Variants in UBAP2 observed in about 807,000 individuals in gnomAD.
UBAP2 encodes the protein ubiquitin-associated protein 2.
In UBAP2, 75 loss-of-function variants were observed where a neutral mutation model predicts 139.6. The observed-to-expected ratio is 0.54, with a 90% CI of 0.45 to 0.65. UBAP2 has a LOEUF of 0.65. Among genes scored for constraint, UBAP2 ranks in the 30% least tolerant of loss-of-function variants. UBAP2 has a pLI of 0.00. For missense variants in UBAP2, 1,368 were observed against 1,369.6 expected, an observed-to-expected ratio of 1.00 and a Z score of 0.02; for synonymous variants, 526 against 526.2, an observed-to-expected ratio of 1.00 and a Z score of 0.01.
At chr9:34,023,671 A>G (rs1485934239) in intron 1 of UBAP2, among the ~76,000 whole-genome samples, 1 of 152,192 alleles carries the variant, frequency 6.6e-6, no homozygotes. Context: ...ATTGTTTGGA[A>G]AAAGTTTTTC....
intron 1 of UBAP2, among the ~76,000 whole-genome samples, chr9:34,048,586 G>C (rs983089180): frequency 3.3e-5 from 5 of 152,128 alleles, no homozygotes; most frequent in Admixed American, 6.5e-5. Flanking sequence ...CGACCTGGAC[G>C]GGGGAAAGTA....
intron 1 of UBAP2, among the ~76,000 whole-genome samples, chr9:34,032,160 G>A (rs1773841888): frequency 1.3e-5 from 2 of 152,074 alleles, no homozygotes; most frequent in Admixed American, 1.3e-4. Flanking sequence ...CTAATAAGTT[G>A]CCAACTTAAC....
intron 2 of UBAP2, among the ~76,000 whole-genome samples, chr9:34,013,011 G>C (rs537945066): frequency 2.0e-5 from 3 of 151,180 alleles, no homozygotes; most frequent in Non-Finnish European, 2.9e-5. Flanking sequence ...AAAATTAGCC[G>C]GGTGTGGTGA....
chr9:34,041,950 G>A (rs1271765543), intron 1 of UBAP2, among the ~76,000 whole-genome samples: 2 of 151,628 alleles, frequency 1.3e-5, no homozygotes, highest in Non-Finnish European at 1.5e-5. Flanking sequence ...GCTTGAACCC[G>A]GGAGGTGAAT....
chr9:33,927,876 G>A lies in UBAP2; in HGVS notation c.2292C>T (p.Thr764=), dbSNP rs868113959. The change falls in exon 20 of 29, where the codon ACC becomes ACT. Residue 764 remains threonine (T), a synonymous_variant. Coordinates refer to ENST00000379238, the MANE Select transcript of UBAP2 (RefSeq NM_001370062.2). ...TCCCACCCAGACAGAGGCTGTTCGC[G>A]GTGTTCATGCTACTGGACAGGCTGG... is the stretch of plus-strand genomic sequence containing the variant. The part of the protein sequence containing the change: ...SGASLSSSMN[T]ANSLCLGGTP... The A allele has an allele frequency of 1.2e-5, 20 of 1,614,122 alleles. No homozygotes were observed. The highest frequency in any genetic ancestry group is 5.3e-5 in the African/African-American group (4 of 74,958).
chr9:34,003,954 A>G (rs1404769411), intron 2 of UBAP2, among the ~76,000 whole-genome samples: 1 of 151,970 alleles, frequency 6.6e-6, no homozygotes, highest in Non-Finnish European at 1.5e-5. Context: ...TCCTGACCTC[A>G]GGTGATCCGC....
chr9:34,046,360 AGGCTTCATGCC>A (rs1197306087), intron 1 of UBAP2, among the ~76,000 whole-genome samples: 1 of 151,956 alleles, frequency 6.6e-6, no homozygotes, highest in Non-Finnish European at 1.5e-5. Flanking sequence ...TTAGAAGTAA[AGGCTTCATGCC>A]GGGCGGGGTG....
chr9:33,992,389 C>A (rs1317516091), intron 4 of UBAP2, among the ~76,000 whole-genome samples: 32 of 80,008 alleles, frequency 4.0e-4, no homozygotes, highest in East Asian at 4.0e-3. Flanking sequence ...AACTCCATCT[C>A]AAAAAAAAAA....
chr9:34,039,196 G>A (rs1450047987), intron 1 of UBAP2, among the ~76,000 whole-genome samples: 3 of 150,834 alleles, frequency 2.0e-5, no homozygotes, highest in East Asian at 4.0e-4. Flanking sequence ...GAGGTGGGGG[G>A]CAGCCCCCGC....
chr9:34,013,248 G>C (rs557652416), intron 2 of UBAP2, among the ~76,000 whole-genome samples: 1 of 151,272 alleles, frequency 6.6e-6, no homozygotes, highest in Non-Finnish European at 1.5e-5. Context: ...TGGTTTATAC[G>C]GATTCAAAAG....
rs1467090868 is a variant in UBAP2, at chr9:33,963,773, T to A, written c.698A>T (p.His233Leu). 1.2e-6 allele frequency: 2 copies of A among 1,612,324 alleles called. No homozygotes were observed. Among genetic ancestry groups the A allele is most frequent in the Non-Finnish European group, 1.7e-6 (2 of 1,178,730 alleles). Residue 233 changes from histidine to leucine, a missense_variant, in exon 9 of 29, where the codon CAC becomes CTC. Coordinates refer to ENST00000379238, the MANE Select transcript of UBAP2 (RefSeq NM_001370062.2). ...GTTTGACAGATCCTGAGCTATGTTG[T>A]GAGTATTTGATGCCAGTTCTGTGGA... ...DEGTELASNT[H>L]NIAQDLSNKS...
intron 8 of UBAP2, among the ~76,000 whole-genome samples, chr9:33,966,498 C>A (rs1374099234): frequency 6.6e-6 from 1 of 151,980 alleles, no homozygotes; most frequent in East Asian, 1.9e-4. Flanking sequence ...TGTCAAAAAT[C>A]TGCTAAGATT....
At chr9:33,924,026 AC>A (rs1484095505) in intron 23 of UBAP2, 26 bp from the exon 24 acceptor site, 1 of 1,612,210 alleles carries the variant, frequency 6.2e-7, no homozygotes, top group African/African-American at 1.3e-5. Context: ...GACTCCAGCC[AC>A]TGCCCTTCCT....
chr9:33,933,701 T>C, intron 17 of UBAP2, 73 bp from the exon 18 acceptor site: 4 of 1,576,928 alleles, frequency 2.5e-6, no homozygotes, highest in Non-Finnish European at 3.5e-6. Flanking sequence ...CCTGAAAATA[T>C]GCTCAATATC....
chr9:33,955,658 C>T (rs996817369), intron 11 of UBAP2, among the ~76,000 whole-genome samples: 1 of 151,820 alleles, frequency 6.6e-6, no homozygotes, highest in South Asian at 2.1e-4. Flanking sequence ...GAAAAACTGT[C>T]TCTACTAAAA....
At chr9:34,013,174 A>AG (rs1823919017) in intron 2 of UBAP2, among the ~76,000 whole-genome samples, 1 of 150,096 alleles carries the variant, frequency 6.7e-6, no homozygotes, top group Admixed American at 6.7e-5. Flanking sequence ...AAAAAAAAAA[A>AG]GAGGTTAAAG....
intron 6 of UBAP2, 96 bp from the exon 7 acceptor site, chr9:33,973,333 T>C (rs924282178): frequency 1.9e-5 from 25 of 1,322,500 alleles, no homozygotes; most frequent in Non-Finnish European, 2.6e-5. Context: ...CAGACAATAT[T>C]ATCATTATTC....
At chr9:33,956,051 C>T in intron 11 of UBAP2, 28 bp downstream of exon 11, 1 of 1,570,196 alleles carries the variant, frequency 6.4e-7, no homozygotes, top group South Asian at 1.2e-5. Flanking sequence ...CTTTGAATAA[C>T]AAATATAAGA....
rs539508186 is a variant in UBAP2 at position 33,932,508 on chromosome 9, A to T, written c.2175+54T>A. 21 of 1,603,994 alleles carry T rather than the reference A, an allele frequency of 1.3e-5. No homozygotes were observed. In the East Asian group the frequency reaches 4.5e-4, roughly 34 times the overall value. ...CTGAAGCCCCAGCTGCATGTGACTA[A>T]GCTCCAGGCTCCCCAAGCATGGCGG... is the stretch of plus-strand genomic sequence containing the variant. On this transcript the variant is annotated intron_variant, in intron 19 of 28. Coordinates refer to ENST00000379238, the MANE Select transcript of UBAP2 (RefSeq NM_001370062.2).
Sources: gnomAD v4.1 joint callset for allele counts (sites outside exome capture counted in the v4.1 genomes callset) on GRCh38, gnomAD v4.1.1 for gene constraint, MANE v1.5 for transcripts, NCBI Gene and HGNC (gene_info 2026-07-23, HGNC 2026-07-21) for gene names.